PIK3C2G: variants seen among roughly 807,000 people sequenced by gnomAD.
PIK3C2G encodes phosphatidylinositol 3-kinase C2 domain-containing subunit gamma.
Under a neutral mutation model 181.1 loss-of-function variants are expected in PIK3C2G, and 168 were observed. That is an observed-to-expected ratio of 0.93 (90% CI 0.82 to 1.05). The LOEUF (loss-of-function observed/expected upper bound fraction) is 1.05. Ranked by LOEUF, PIK3C2G falls within the 50% of genes least tolerant of loss-of-function variation. The pLI, the probability that PIK3C2G is intolerant of heterozygous loss-of-function variation, is 0.00. For synonymous variants in PIK3C2G, 573 were observed against 592.2 expected (o/e 0.97, Z 0.47); for missense variants, 1,869 against 1,732.8 (o/e 1.08, Z -1.40).
the PIK3C2G span, chr12:18,723,386 G>A: frequency 1.2e-6 from 2 of 1,612,948 alleles, no homozygotes; most frequent in Non-Finnish European, 8.5e-7. Flanking sequence ...TATTGTTCTT[G>A]TGTCAGAAAT....
At chr12:18,509,994 G>A (rs1796473570) in intron 24 of PIK3C2G, among the ~76,000 whole-genome samples, 1 of 151,896 alleles carries the variant, frequency 6.6e-6, no homozygotes, top group Non-Finnish European at 1.5e-5. Context: ...TGGGGGACAT[G>A]GTCTCACTCT....
chr12:18,524,932 A>G (rs192429095), intron 24 of PIK3C2G, among the ~76,000 whole-genome samples: 1 of 152,194 alleles, frequency 6.6e-6, no homozygotes, highest in Non-Finnish European at 1.5e-5. Flanking sequence ...TGATATCAGT[A>G]AAATTCTTAG....
chr12:18,437,320 A>T (rs1218209485), intron 18 of PIK3C2G, among the ~76,000 whole-genome samples: 1 of 152,014 alleles, frequency 6.6e-6, no homozygotes, highest in Non-Finnish European at 1.5e-5. Flanking sequence ...TATTGTCTAA[A>T]GAACTTCAGA....
At chr12:18,705,247 TGCCATTACTTCTTGTTGG>T in the PIK3C2G span, 3 of 1,614,082 alleles carry the variant, frequency 1.9e-6, no homozygotes, top group Non-Finnish European at 2.5e-6. Flanking sequence ...GCAAATTGTC[TGCCATTACTTCTTGTTGG>T]GCAGTGGAGC....
At chr12:18,581,030 C>A (rs1027486551) in intron 29 of PIK3C2G, among the ~76,000 whole-genome samples, 1 of 152,172 alleles carries the variant, frequency 6.6e-6, no homozygotes, top group Non-Finnish European at 1.5e-5. Context: ...TACTTTAACT[C>A]TGTAGTCTTT....
chr12:18,452,259 G>T (rs1947404185), intron 18 of PIK3C2G, among the ~76,000 whole-genome samples: 1 of 152,058 alleles, frequency 6.6e-6, no homozygotes. Flanking sequence ...TTTGTTATTG[G>T]TCTATTCAGA....
chr12:18,391,455 G>A lies in PIK3C2G; in HGVS notation c.2126+203G>A, dbSNP rs75235376. The stretch of plus-strand genomic sequence containing the variant: ...GTCTGCTTTTAACGATTTATTTCCT[G>A]TGGTCTTAAGGAAAAGTAAAAAGTT... On this transcript the variant is annotated intron_variant, in intron 15 of 32. Coordinates refer to ENST00000538779, the MANE Select transcript of PIK3C2G (RefSeq NM_001288772.2). 2.4e-3 allele frequency among the ~76,000 whole-genome samples: 369 copies of A among 152,226 alleles called. 3 individuals are homozygous for A. The highest frequency in any genetic ancestry group is 8.4e-3 in the African/African-American group (347 of 41,554).
chr12:18,460,190 T>C (rs916574656), intron 18 of PIK3C2G, among the ~76,000 whole-genome samples: 5 of 152,194 alleles, frequency 3.3e-5, no homozygotes, highest in Non-Finnish European at 7.3e-5. Flanking sequence ...AATAATTGTA[T>C]GATTATGAAA....
At chr12:18,627,480 G>A (rs1014444262) in intron 31 of PIK3C2G, among the ~76,000 whole-genome samples, 1 of 152,042 alleles carries the variant, frequency 6.6e-6, no homozygotes, top group African/African-American at 2.4e-5. Context: ...TTGTGCATTT[G>A]TGGAGGCAGC....
At chr12:18,386,551 G>A (rs954502358) in intron 14 of PIK3C2G, among the ~76,000 whole-genome samples, 48 of 152,212 alleles carry the variant, frequency 3.2e-4, no homozygotes, top group African/African-American at 1.2e-3. Flanking sequence ...GATCTTATTT[G>A]TGGCCAGCTT....
intron 18 of PIK3C2G, among the ~76,000 whole-genome samples, chr12:18,441,586 G>T (rs1946750206): frequency 6.6e-6 from 1 of 152,072 alleles, no homozygotes; most frequent in Admixed American, 6.6e-5. Flanking sequence ...AGGAGAAAAT[G>T]AAGAGTGGAC....
At chr12:18,398,964 G>A (rs1944055986) in intron 15 of PIK3C2G, among the ~76,000 whole-genome samples, 2 of 151,986 alleles carry the variant, frequency 1.3e-5, no homozygotes, top group South Asian at 2.1e-4. Flanking sequence ...GGGAGGCCGA[G>A]GCGGGCGGAT....
chr12:18,591,722 C>A (rs747155509), intron 29 of PIK3C2G, among the ~76,000 whole-genome samples: 2 of 151,870 alleles, frequency 1.3e-5, no homozygotes, highest in Non-Finnish European at 2.9e-5. Flanking sequence ...AGAATCACTA[C>A]AGGTTTTAAG....
At chr12:18,334,296 A>T (rs1333383316) in intron 8 of PIK3C2G, among the ~76,000 whole-genome samples, 1 of 152,024 alleles carries the variant, frequency 6.6e-6, no homozygotes, top group African/African-American at 2.4e-5. Context: ...TTTAAGAAAA[A>T]TTTTTCTTAT....
chr12:18,349,214 T>A (rs1253373258), intron 11 of PIK3C2G, among the ~76,000 whole-genome samples: 1 of 152,106 alleles, frequency 6.6e-6, no homozygotes, highest in Non-Finnish European at 1.5e-5. Context: ...AGGGTTCGCA[T>A]ACCAGGAGAC....
the PIK3C2G span, chr12:18,688,105 A>T: frequency 1.2e-6 from 2 of 1,611,172 alleles, no homozygotes; most frequent in African/African-American, 2.7e-5. Context: ...TTTTAATTAC[A>T]CGAGTCTGCT....
At chr12:18,465,354 A>G (rs184735271) in intron 18 of PIK3C2G, among the ~76,000 whole-genome samples, 128 of 151,978 alleles carry the variant, frequency 8.4e-4, no homozygotes, top group African/African-American at 2.9e-3. Context: ...TAGCTTTACA[A>G]TATGTCATTA....
In PIK3C2G at chr12:18,329,728, CAT is replaced by C. The variant is rs1032214625; in HGVS notation, c.1272+4632_1272+4633del. 1.6e-4 allele frequency among the ~76,000 whole-genome samples: 25 copies of C among 152,114 alleles called. No individual in the cohort carries two copies. In the South Asian group the frequency reaches 4.1e-3, roughly 25 times the overall value. On this transcript the variant is annotated intron_variant, in intron 8 of 32. Transcript: ENST00000538779. ...GTTTTCTAGAGCACATAGCTAGGGACATAGATTTACAAGGCAACACCAAACAC... is the reference window on the plus strand; with the variant it reads ...GTTTTCTAGAGCACATAGCTAGGGACAGATTTACAAGGCAACACCAAACAC...
At chr12:18,298,429 A>C (rs1448549948) in intron 5 of PIK3C2G, among the ~76,000 whole-genome samples, 4 of 106,608 alleles carry the variant, frequency 3.8e-5, no homozygotes, top group Non-Finnish European at 6.1e-5. Flanking sequence ...TTTGCTGTTG[A>C]GTTTCTTTTA....
Sources: allele counts gnomAD v4.1 joint callset (sites outside exome capture counted in the v4.1 genomes callset), GRCh38; gene constraint gnomAD v4.1.1; transcripts MANE v1.5; gene names NCBI Gene and HGNC (gene_info 2026-07-23, HGNC 2026-07-21).